ATF6: variants seen among roughly 807,000 people sequenced by gnomAD.
ATF6 encodes cyclic AMP-dependent transcription factor ATF-6 alpha.
In ATF6, 53 loss-of-function variants were observed where a neutral mutation model predicts 83.6. The ratio of observed to expected loss-of-function variants is 0.63; its 90% confidence interval spans 0.51 to 0.80. The LOEUF (loss-of-function observed/expected upper bound fraction) is 0.80, where lower values mean the gene tolerates loss of function less well. ATF6 is among the 30% of genes least tolerant of loss of function. The pLI is 0.00. For synonymous variants in ATF6, 288 were observed against 285.8 expected (o/e 1.01, Z -0.08); for missense variants, 744 against 797.9 (o/e 0.93, Z 0.81).
At chr1:161,851,553 G>A (rs1002683667) in intron 10 of ATF6, among the ~76,000 whole-genome samples, 169 bp from the exon 11 acceptor site, 2 of 152,096 alleles carry the variant, frequency 1.3e-5, no homozygotes, top group African/African-American at 4.8e-5. Flanking sequence ...ATCAGAAAAT[G>A]ACATTTCATG....
intron 9 of ATF6, among the ~76,000 whole-genome samples, chr1:161,827,258 A>G (rs1259643797): frequency 6.6e-6 from 1 of 152,140 alleles, no homozygotes; most frequent in Non-Finnish European, 1.5e-5. Flanking sequence ...CTGCAAGGCT[A>G]TGATCTTCTC....
At chr1:161,795,756 G>A (rs1270585849) in intron 6 of ATF6, among the ~76,000 whole-genome samples, 1 of 152,220 alleles carries the variant, frequency 6.6e-6, no homozygotes, top group South Asian at 2.1e-4. Flanking sequence ...AGGAACAGTA[G>A]TAACTATGTT....
In ATF6 at chr1:161,843,261, A is replaced by C. The variant is rs375422025; in HGVS notation, c.1188-3188A>C. 2.0e-5 allele frequency among the ~76,000 whole-genome samples: 3 copies of C among 147,468 alleles called. No homozygotes were observed. In the South Asian group the frequency reaches 6.7e-4, roughly 33 times the overall value. On this transcript the variant is annotated intron_variant, in intron 9 of 15. Transcript: ENST00000367942. The stretch of plus-strand genomic sequence containing the variant: ...CTTGGGGAGAGTATGCAAACTCCAC[A>C]CAGACAGTGACCTTGGCTGGGAATT...
intron 9 of ATF6, among the ~76,000 whole-genome samples, chr1:161,842,768 AAG>A (rs1686389026): frequency 1.3e-5 from 2 of 152,338 alleles, no homozygotes; most frequent in Middle Eastern, 3.4e-3. Flanking sequence ...ATTTTAAAAA[AAG>A]ATAATTATTA....
intron 1 of ATF6, among the ~76,000 whole-genome samples, chr1:161,777,669 C>T (rs1165023370): frequency 6.6e-6 from 1 of 152,144 alleles, no homozygotes; most frequent in Admixed American, 6.5e-5. Flanking sequence ...TTTTCTGTAT[C>T]CACATATTTC....
intron 10 of ATF6, among the ~76,000 whole-genome samples, chr1:161,851,275 C>CACACACACACA (rs1557995077): frequency 7.4e-5 from 11 of 148,812 alleles, no homozygotes; most frequent in Non-Finnish European, 1.3e-4. Context: ...CACACACACA[C>CACACACACACA]CCCTACCTGT....
intron 7 of ATF6, among the ~76,000 whole-genome samples, chr1:161,816,859 A>G (rs929590606): frequency 6.6e-6 from 1 of 152,110 alleles, no homozygotes; most frequent in Non-Finnish European, 1.5e-5. Flanking sequence ...CCTACAAATC[A>G]TATTTTTTTT....
chr1:161,899,454 A>G lies in ATF6; in HGVS notation c.1720-12842A>G, dbSNP rs149779887. On this transcript the variant is annotated intron_variant, in intron 14 of 15. Transcript: ENST00000367942. ...AGAATCCTGAAAATTGCTTTTCAAA[A>G]CCGATTCTCTGTGGTCACGAACATA... is the stretch of plus-strand genomic sequence containing the variant. 9.8e-3 allele frequency among the ~76,000 whole-genome samples: 1,487 copies of G among 152,276 alleles called. 13 individuals are homozygous for G. Among genetic ancestry groups the G allele is most frequent in the Non-Finnish European group, 0.018 (1,222 of 68,012 alleles).
chr1:161,860,420 A>G (rs1407187270), intron 13 of ATF6, 143 bp downstream of exon 13: 1 of 239,632 alleles, frequency 4.2e-6, no homozygotes, highest in Non-Finnish European at 8.0e-6. Flanking sequence ...ATATATATAT[A>G]TATGTATATA....
intron 9 of ATF6, among the ~76,000 whole-genome samples, chr1:161,833,104 C>T (rs529742798): frequency 6.6e-6 from 1 of 152,268 alleles, no homozygotes; most frequent in Admixed American, 6.5e-5. Flanking sequence ...CACCAATATC[C>T]GCTGTTCTGC....
intron 9 of ATF6, among the ~76,000 whole-genome samples, chr1:161,830,783 A>T (rs1462603824): frequency 6.6e-6 from 1 of 152,250 alleles, no homozygotes; most frequent in Non-Finnish European, 1.5e-5. Flanking sequence ...CTTACACCTT[A>T]TACAAAAATT....
At chr1:161,840,853 A>G (rs1236695111) in intron 9 of ATF6, among the ~76,000 whole-genome samples, 2 of 152,194 alleles carry the variant, frequency 1.3e-5, no homozygotes, top group Non-Finnish European at 2.9e-5. Flanking sequence ...GTTTCTGATC[A>G]TAGAGACAGC....
At chr1:161,874,975 G>A (rs185622165) in intron 14 of ATF6, among the ~76,000 whole-genome samples, 14 of 151,778 alleles carry the variant, frequency 9.2e-5, no homozygotes, top group African/African-American at 3.1e-4. Flanking sequence ...AGCGATAAGA[G>A]AGTGGAGATC....
chr1:161,936,407 A>G (rs1303667977), intron 15 of ATF6, among the ~76,000 whole-genome samples: 1 of 152,208 alleles, frequency 6.6e-6, no homozygotes, highest in East Asian at 1.9e-4. Context: ...TACATCATGA[A>G]GAATGCAGTA....
intron 10 of ATF6, among the ~76,000 whole-genome samples, chr1:161,849,856 G>A (rs1400341037): frequency 6.6e-6 from 1 of 152,136 alleles, no homozygotes; most frequent in Non-Finnish European, 1.5e-5. Flanking sequence ...CATGTGCACT[G>A]TGGAACTCAG....
At chr1:161,893,992 CTG>C (rs1687615851) in intron 14 of ATF6, among the ~76,000 whole-genome samples, 1 of 152,114 alleles carries the variant, frequency 6.6e-6, no homozygotes, top group South Asian at 2.1e-4. Context: ...TTTTCCAACT[CTG>C]TATCAAATTA....
intron 15 of ATF6, among the ~76,000 whole-genome samples, chr1:161,940,945 C>T (rs916933439): frequency 1.6e-4 from 24 of 152,150 alleles, no homozygotes; most frequent in African/African-American, 5.3e-4. Flanking sequence ...TATGCATACC[C>T]GTATCACACC....
chr1:161,814,065 T>G (rs1685545675), intron 7 of ATF6, among the ~76,000 whole-genome samples: 1 of 152,102 alleles, frequency 6.6e-6, no homozygotes, highest in Non-Finnish European at 1.5e-5. Context: ...TTTTGTATTT[T>G]TAGTAGAGAT....
chr1:161,957,460 ATAT>A (rs1443839857), intron 15 of ATF6, among the ~76,000 whole-genome samples: 5 of 152,166 alleles, frequency 3.3e-5, no homozygotes, highest in Admixed American at 6.5e-5. Context: ...GGCTTGAAAA[ATAT>A]TATTTATTTT....
Sources: allele counts gnomAD v4.1 joint callset (sites outside exome capture counted in the v4.1 genomes callset), GRCh38; gene constraint gnomAD v4.1.1; transcripts MANE v1.5; gene names NCBI Gene and HGNC (gene_info 2026-07-23, HGNC 2026-07-21).